Variants in USP28 observed in about 807,000 individuals in gnomAD.
The protein encoded by USP28 is ubiquitin specific peptidase 28.
In USP28, 113 loss-of-function variants were observed where a neutral mutation model predicts 145.0. The observed-to-expected ratio is 0.78, with a 90% CI of 0.67 to 0.91. The LOEUF (loss-of-function observed/expected upper bound fraction) is 0.91. Ranked by LOEUF, USP28 falls within the 40% of genes least tolerant of loss-of-function variation. The pLI is 0.00. For missense variants in USP28, 1,201 were observed against 1,289.6 expected, an observed-to-expected ratio of 0.93 and a Z score of 1.05; for synonymous variants, 447 against 450.9, an observed-to-expected ratio of 0.99 and a Z score of 0.11.
intron 24 of USP28, among the ~76,000 whole-genome samples, chr11:113,800,878 C>T (rs1193275544): frequency 2.7e-5 from 4 of 149,336 alleles, no homozygotes; most frequent in African/African-American, 7.4e-5. Flanking sequence ...AGTCTCATTC[C>T]GTGGCCCAGG....
intron 7 of USP28, 117 bp downstream of exon 7, chr11:113,833,303 G>T: frequency 1.5e-6 from 2 of 1,374,448 alleles, no homozygotes; most frequent in Non-Finnish European, 2.0e-6. Context: ...TCAGAAACGA[G>T]CATCCATAGT....
rs532388518 is a variant in USP28, at chr11:113,811,105, A to C, written c.1972+1171T>G. Among the ~76,000 whole-genome samples, 9 of 152,354 alleles carry C rather than the reference A, an allele frequency of 5.9e-5. No individual in the cohort carries two copies. The South Asian group carries it at 1.9e-3, about 32-fold the overall frequency. ...GTGAAAGAAAGAGAGAATAATGTAA[A>C]TTGAAAACACCACAGAATTTGGAGA... On this transcript the variant is annotated intron_variant, in intron 16 of 24. Transcript: ENST00000003302.
intron 3 of USP28, among the ~76,000 whole-genome samples, chr11:113,848,615 A>T (rs1946131085): frequency 6.6e-6 from 1 of 152,180 alleles, no homozygotes; most frequent in African/African-American, 2.4e-5. Flanking sequence ...TTAGGATAAA[A>T]TTTTATAGGC....
chr11:113,817,541 G>C, intron 13 of USP28, 117 bp downstream of exon 13: 2 of 1,210,636 alleles, frequency 1.7e-6, no homozygotes, highest in East Asian at 2.5e-5. Context: ...TTAAGACAAA[G>C]AGCTCACAGC....
intron 1 of USP28, 81 bp downstream of exon 1, chr11:113,875,364 C>G: frequency 9.1e-7 from 1 of 1,103,848 alleles, no homozygotes; most frequent in Non-Finnish European, 1.1e-6. Flanking sequence ...CAGCCCGCAA[C>G]CCGCAGCCCT....
chr11:113,799,935 A>T (rs1453725753), intron 24 of USP28, among the ~76,000 whole-genome samples: 3 of 152,256 alleles, frequency 2.0e-5, no homozygotes, highest in African/African-American at 7.2e-5. Context: ...AAAGGGAAAC[A>T]CATGGCAACT....
chr11:113,847,030 C>G (rs1012676396), intron 3 of USP28, among the ~76,000 whole-genome samples: 1 of 152,146 alleles, frequency 6.6e-6, no homozygotes, highest in African/African-American at 2.4e-5. Flanking sequence ...CCAATTATCA[C>G]TATAACTATT....
intron 1 of USP28, among the ~76,000 whole-genome samples, chr11:113,855,338 T>A (rs530564560): frequency 6.6e-6 from 1 of 151,564 alleles, no homozygotes; most frequent in Non-Finnish European, 1.5e-5. Context: ...GATTTGCAAG[T>A]ACAGCTCAAT....
intron 10 of USP28, among the ~76,000 whole-genome samples, chr11:113,828,015 G>T (rs944701872): frequency 3.3e-5 from 5 of 152,124 alleles, no homozygotes; most frequent in African/African-American, 1.2e-4. Flanking sequence ...AAGAAGGAAG[G>T]CACTGACATA....
Position 113,852,582 on chromosome 11 carries a change from C to G in USP28, c.187G>C (p.Val63Leu), listed in dbSNP as rs747185432. Residue 63 changes from valine to leucine, a missense_variant, in exon 3 of 25, where the codon GTT becomes CTT. By Grantham distance (32) the Val-to-Leu change is conservative. Coordinates refer to ENST00000003302, the Ensembl canonical transcript of USP28. ...ACAGTGTCTTGACTGGGCTCCTTAA[C>G]TCTCTCATCAGTGAGAAGGCTGACT... 7 of 1,614,052 alleles carry G rather than the reference C, an allele frequency of 4.3e-6. No individual in the cohort carries two copies. In the African/African-American group the frequency reaches 9.3e-5, roughly 22 times the overall value.
intron 16 of USP28, 97 bp downstream of exon 16, chr11:113,812,179 T>C (rs1330380632): frequency 1.3e-6 from 1 of 753,218 alleles, no homozygotes; most frequent in East Asian, 2.8e-5. Context: ...TATATAATAG[T>C]AAGTTGTAAA....
In USP28 at chr11:113,852,556, AAC is replaced by A; in HGVS notation, c.211_212del (p.Val71CysfsTer6). ...CCTCTACTTCAGATGGTTCTGTAGC[AAC>A]AGTGTCTTGACTGGGCTCCTTAACT... On this transcript the variant is annotated frameshift_variant, in exon 3 of 25. Coordinates refer to ENST00000003302, the Ensembl canonical transcript of USP28. LOFTEE classifies it high-confidence loss of function. The A allele has an allele frequency of 1.2e-6, 2 of 1,614,168 alleles. No individual in the cohort carries two copies. The highest frequency in any genetic ancestry group is 4.5e-5 in the East Asian group (2 of 44,882).
chr11:113,829,824 C>T (rs1482676667), intron 9 of USP28, among the ~76,000 whole-genome samples: 2 of 104,708 alleles, frequency 1.9e-5, no homozygotes, highest in Admixed American at 1.1e-4. Context: ...GGACTTGTCT[C>T]AAAAAAAAAA....
chr11:113,830,976 G>C (rs750763718), intron 8 of USP28, 33 bp from the exon 9 acceptor site: 3 of 1,608,280 alleles, frequency 1.9e-6, no homozygotes, highest in Non-Finnish European at 2.6e-6. Context: ...ATTCTGGATT[G>C]TTTGGATTAA....
intron 1 of USP28, among the ~76,000 whole-genome samples, chr11:113,871,513 A>G (rs1408437487): frequency 6.6e-6 from 1 of 152,198 alleles, no homozygotes; most frequent in Non-Finnish European, 1.5e-5. Context: ...ACTACATTCC[A>G]GTAGCATCCT....
intron 3 of USP28, among the ~76,000 whole-genome samples, chr11:113,847,057 T>C (rs1945942208): frequency 6.6e-6 from 1 of 152,216 alleles, no homozygotes; most frequent in Non-Finnish European, 1.5e-5. Flanking sequence ...ACCATAATTA[T>C]GATAGAATAT....
At chr11:113,827,962 A>T (rs909135563) in intron 10 of USP28, among the ~76,000 whole-genome samples, 2 of 152,212 alleles carry the variant, frequency 1.3e-5, no homozygotes, top group Non-Finnish European at 2.9e-5. Flanking sequence ...GAGGTCTCAT[A>T]AAGAAGCCAG....
At chr11:113,873,786 G>A (rs1033690535) in intron 1 of USP28, among the ~76,000 whole-genome samples, 2 of 152,102 alleles carry the variant, frequency 1.3e-5, no homozygotes, top group Non-Finnish European at 2.9e-5. Context: ...TTAGAAGTCA[G>A]TGCATGATAC....
intron 5 of USP28, among the ~76,000 whole-genome samples, chr11:113,838,446 A>C (rs1003081238): frequency 2.0e-5 from 3 of 151,210 alleles, no homozygotes; most frequent in African/African-American, 7.3e-5. Flanking sequence ...AAGCTCTTCC[A>C]CTCCACCTCC....
Sources: gnomAD v4.1 joint callset for allele counts (sites outside exome capture counted in the v4.1 genomes callset) on GRCh38, gnomAD v4.1.1 for gene constraint, MANE v1.5 for transcripts, NCBI Gene and HGNC (gene_info 2026-07-23, HGNC 2026-07-21) for gene names.